The following RNF24 variants were observed in gnomAD, a reference collection of about 807,000 sequenced individuals.
The protein encoded by RNF24 is ring finger protein 24.
RNF24 carries 14 observed loss-of-function variants against 20.0 expected under a neutral mutation model. The observed-to-expected ratio is 0.70, with a 90% CI of 0.46 to 1.10. The LOEUF (loss-of-function observed/expected upper bound fraction) is 1.10, where lower values mean the gene tolerates loss of function less well. Ranked by LOEUF, RNF24 falls within the 50% of genes least tolerant of loss-of-function variation. The probability of loss-of-function intolerance (pLI) is 0.00; values close to 1 mark genes in which losing one functional copy is unlikely to be tolerated. For missense variants in RNF24, 124 were observed against 177.6 expected, an observed-to-expected ratio of 0.70 and a Z score of 1.71; for synonymous variants, 45 against 61.1, an observed-to-expected ratio of 0.74 and a Z score of 1.23.
chr20:3,949,670 T>G (rs2091060041), intron 2 of RNF24, among the ~76,000 whole-genome samples: 1 of 152,006 alleles, frequency 6.6e-6, no homozygotes, highest in Non-Finnish European at 1.5e-5. Context: ...GGTGACGGAG[T>G]GAGATCCTGT....
chr20:3,970,696 A>G (rs953555000), intron 1 of RNF24, among the ~76,000 whole-genome samples: 1 of 152,192 alleles, frequency 6.6e-6, no homozygotes, highest in Non-Finnish European at 1.5e-5. Flanking sequence ...TTGAAATAAA[A>G]AAACTAAAAC....
intron 1 of RNF24, among the ~76,000 whole-genome samples, chr20:4,014,817 C>T (rs1302292506): frequency 6.6e-6 from 1 of 151,876 alleles, no homozygotes; most frequent in Admixed American, 6.6e-5. Context: ...CCTTAATTCT[C>T]CGGCCTGTGG....
intron 1 of RNF24, among the ~76,000 whole-genome samples, chr20:4,005,163 TTACTTCTTTGA>T (rs201986765): frequency 0.69 from 104,810 of 151,928 alleles, 36,486 homozygotes; most frequent in South Asian, 0.81. Context: ...CCTGAACAGG[TTACTTCTTTGA>T]CATTTAGTTT....
intron 3 of RNF24, among the ~76,000 whole-genome samples, chr20:3,946,842 G>A (rs2146959366): frequency 6.6e-6 from 1 of 152,180 alleles, no homozygotes; most frequent in South Asian, 2.1e-4. Context: ...GTCCATCTAG[G>A]GAATGTGCCA....
chr20:4,004,321 A>C (rs1039725544), intron 1 of RNF24, among the ~76,000 whole-genome samples: 1 of 152,070 alleles, frequency 6.6e-6, no homozygotes, highest in Admixed American at 6.6e-5. Context: ...ACTTTGTATC[A>C]TGGTCTGCTG....
intron 1 of RNF24, among the ~76,000 whole-genome samples, chr20:4,008,463 TATA>T (rs1304834034): frequency 9.7e-6 from 1 of 103,098 alleles, no homozygotes; most frequent in African/African-American, 3.6e-5. Flanking sequence ...ATATATAATA[TATA>T]ATATGTATAA....
At chr20:4,007,945 C>T (rs1031215833) in intron 1 of RNF24, among the ~76,000 whole-genome samples, 5 of 151,108 alleles carry the variant, frequency 3.3e-5, no homozygotes, top group Admixed American at 2.6e-4. Context: ...CCGCCCCCCA[C>T]AAAACCAAGA....
At chr20:3,977,591 C>T (rs893249336) in intron 1 of RNF24, among the ~76,000 whole-genome samples, 9 of 152,084 alleles carry the variant, frequency 5.9e-5, no homozygotes, top group African/African-American at 2.2e-4. Context: ...CTAGGCCAGG[C>T]ATGGTGGCTC....
Position 3,934,019 on chromosome 20 carries a change from C to T in RNF24, c.*44G>A. The T allele has an allele frequency of 7.1e-7, 1 of 1,416,094 alleles. No individual in the cohort carries two copies. The highest frequency in any genetic ancestry group is 9.3e-7 in the Non-Finnish European group (1 of 1,079,214). 87.7% of individuals were successfully genotyped at this position (1,416,094 alleles called of 1,614,324 possible). A position where few individuals can be genotyped will look rare whatever the true frequency, so the allele number is the denominator to read the frequency against. On this transcript the variant is annotated 3_prime_UTR_variant, in exon 6 of 6. Coordinates refer to ENST00000358395, the MANE Select transcript of RNF24 (RefSeq NM_001134337.3). The surrounding 1 kb of genome is among the most constrained non-coding windows in gnomAD (Gnocchi z 4.0). ...ACACCACATGTGTTCCTCCTGGCTC[C>T]ACACAGACGTCGTGTCCAGCAACAG...
rs2091043533 is a variant in RNF24 at position 3,948,250 on chromosome 20, T to C, written c.173A>G (p.Tyr58Cys). Residue 58 changes from tyrosine (Y) to cysteine (C), a missense_variant, in exon 3 of 6, where the codon TAT becomes TGT. Coordinates refer to ENST00000358395, the MANE Select transcript of RNF24 (RefSeq NM_001134337.3). Reference protein sequence around the residue: ...RLRHQAHKEFYAYKQVILKEK... With the variant: ...RLRHQAHKEFCAYKQVILKEK... The stretch of plus-strand genomic sequence containing the variant: ...TAAATTTCTCACCTGTTTGTAGGCA[T>C]AAAATTCTTTGTGTGCTTGATGTCT... The C allele has an allele frequency of 6.3e-7, 1 of 1,589,728 alleles. No individual in the cohort carries two copies. Among genetic ancestry groups the C allele is most frequent in the Non-Finnish European group, 8.5e-7 (1 of 1,172,316 alleles).
At chr20:3,993,493 G>A (rs1425030709) in intron 1 of RNF24, among the ~76,000 whole-genome samples, 1 of 152,086 alleles carries the variant, frequency 6.6e-6, no homozygotes, top group African/African-American at 2.4e-5. Flanking sequence ...CACCATGTTG[G>A]CCAGGCTGGT....
At chr20:4,005,948 C>A (rs1041003450) in intron 1 of RNF24, among the ~76,000 whole-genome samples, 20 of 152,160 alleles carry the variant, frequency 1.3e-4, no homozygotes, top group African/African-American at 3.9e-4. Context: ...GTCAATTAAA[C>A]AATTATGATA....
chr20:3,951,730 G>A (rs2091083858), intron 2 of RNF24, among the ~76,000 whole-genome samples: 1 of 152,108 alleles, frequency 6.6e-6, no homozygotes, highest in Non-Finnish European at 1.5e-5. Context: ...CTAGACTCAT[G>A]GATATTGGTT....
intron 1 of RNF24, among the ~76,000 whole-genome samples, chr20:3,987,740 TA>T: frequency 6.6e-6 from 1 of 152,300 alleles, no homozygotes; most frequent in African/African-American, 2.4e-5. Context: ...TCATAATATT[TA>T]AAGAGCTCAG....
chr20:4,013,585 G>A (rs1187094487), intron 1 of RNF24, among the ~76,000 whole-genome samples: 1 of 151,508 alleles, frequency 6.6e-6, no homozygotes, highest in Non-Finnish European at 1.5e-5. Flanking sequence ...GAGTTCAAGC[G>A]ATTCTCCTGC....
chr20:3,942,477 T>C (rs2090968601), intron 4 of RNF24, among the ~76,000 whole-genome samples: 1 of 151,538 alleles, frequency 6.6e-6, no homozygotes, highest in South Asian at 2.1e-4. Context: ...CCTGGACAAA[T>C]ATATATATTT....
intron 2 of RNF24, among the ~76,000 whole-genome samples, chr20:3,957,047 C>G (rs1392039357): frequency 1.3e-5 from 2 of 152,076 alleles, no homozygotes; most frequent in Non-Finnish European, 2.9e-5. Flanking sequence ...AAACCCAGTA[C>G]TTTGGGAGGC....
intron 1 of RNF24, among the ~76,000 whole-genome samples, chr20:3,977,831 T>C (rs1239884290): frequency 7.7e-6 from 1 of 130,008 alleles, no homozygotes; most frequent in African/African-American, 3.0e-5. Context: ...GCCACTGCAC[T>C]CCAGCCTGGG....
At chr20:3,939,151 A>G (rs1486056975) in intron 4 of RNF24, among the ~76,000 whole-genome samples, 1 of 151,976 alleles carries the variant, frequency 6.6e-6, no homozygotes, top group Non-Finnish European at 1.5e-5. Context: ...TTATACATCT[A>G]TGTTTATTTC....
Sources: allele counts gnomAD v4.1 joint callset (sites outside exome capture counted in the v4.1 genomes callset), GRCh38; gene constraint gnomAD v4.1.1; non-coding constraint Gnocchi (gnomAD v3.1); transcripts MANE v1.5; gene names NCBI Gene and HGNC (gene_info 2026-07-23, HGNC 2026-07-21).